HIRA: variants seen among roughly 807,000 people sequenced by gnomAD.
HIRA encodes the protein protein HIRA.
HIRA carries 13 observed loss-of-function variants against 126.6 expected under a neutral mutation model. That is an observed-to-expected ratio of 0.10 (90% CI 0.07 to 0.16). The LOEUF (loss-of-function observed/expected upper bound fraction) is 0.16, where lower values mean the gene tolerates loss of function less well. Among genes scored for constraint, HIRA ranks in the 10% least tolerant of loss-of-function variants. The pLI, the probability that HIRA is intolerant of heterozygous loss-of-function variation, is 1.00. For synonymous variants in HIRA, 511 were observed against 520.0 expected, an observed-to-expected ratio of 0.98 and a Z score of 0.24; for missense variants, 834 against 1,314.4, an observed-to-expected ratio of 0.63 and a Z score of 5.65.
chr22:19,391,392 G>A (rs1160662110), intron 9 of HIRA, among the ~76,000 whole-genome samples: 1 of 152,134 alleles, frequency 6.6e-6, no homozygotes, highest in Non-Finnish European at 1.5e-5. Context: ...AGTGCTCTAG[G>A]CAGTGATGAC....
chr22:19,333,998 G>A (rs1484656773), intron 24 of HIRA, among the ~76,000 whole-genome samples: 6 of 149,872 alleles, frequency 4.0e-5, no homozygotes, highest in African/African-American at 1.5e-4. Context: ...TTCTTGAGAT[G>A]GAGCCTCGAT....
rs1355595864 is a variant in HIRA at position 19,351,047 on chromosome 22, G to A, written c.2937+311C>T. On this transcript the variant is annotated intron_variant, in intron 24 of 24. Transcript: ENST00000263208. The surrounding 1 kb of genome is among the most constrained non-coding windows in gnomAD (Gnocchi z 4.8). ...TTTATGTGTGCATCCCTACCAGACC[G>A]AGCTCCACGAAGGCAGGGAAGTACC... The A allele has an allele frequency of 1.1e-5, 9 of 799,542 alleles. No homozygotes were observed. Among genetic ancestry groups the A allele is most frequent in the Non-Finnish European group, 1.4e-5 (9 of 660,658 alleles). 49.5% of individuals were successfully genotyped at this position (799,542 alleles called of 1,614,324 possible).
Position 19,398,034 on chromosome 22 carries a change from C to T in HIRA, c.451G>A (p.Val151Met), listed in dbSNP as rs930899271. ...TTCCAGATGACGACAGTGTTATCCA[C>T]GCTGCATGAGGCTAGCCAGGCATCG... The part of the protein sequence containing the change: ...PHDAWLASCS[V>M]DNTVVIWNAV... Residue 151 changes from valine (V) to methionine (M), a missense_variant, in exon 6 of 25, where the codon GTG becomes ATG. Val to Met is a conservative substitution (Grantham distance 21). Around this residue, in one of 5 missense-constraint regions of HIRA, gnomAD observed 53 missense variants for 163.7 expected, o/e 0.32. Transcript: ENST00000263208. The T allele has an allele frequency of 1.2e-6, 2 of 1,614,076 alleles. No homozygotes were observed. The highest frequency in any genetic ancestry group is 2.2e-5 in the East Asian group (1 of 44,870).
intron 19 of HIRA, 124 bp from the exon 20 acceptor site, chr22:19,356,412 G>C (rs1028959585): frequency 6.4e-5 from 49 of 763,838 alleles, no homozygotes; most frequent in Admixed American, 2.0e-4. Flanking sequence ...CCTAGTGAGA[G>C]GGGCTCTGGG....
intron 13 of HIRA, among the ~76,000 whole-genome samples, chr22:19,379,628 T>TAA (rs753015452): frequency 7.6e-6 from 1 of 130,976 alleles, no homozygotes; most frequent in African/African-American, 2.8e-5. Context: ...TCGCCTCAAT[T>TAA]AAAAAAAAAA....
intron 4 of HIRA, among the ~76,000 whole-genome samples, chr22:19,406,548 T>C (rs2089309502): frequency 6.6e-6 from 1 of 152,098 alleles, no homozygotes; most frequent in Non-Finnish European, 1.5e-5. Context: ...CTTTTGCTCT[T>C]GTAGAGCTCA....
At chr22:19,373,560 C>G (rs920086184) in intron 15 of HIRA, among the ~76,000 whole-genome samples, 1 of 152,126 alleles carries the variant, frequency 6.6e-6, no homozygotes, top group Non-Finnish European at 1.5e-5. Flanking sequence ...TCAATTAGAC[C>G]AGGATTTCGT....
chr22:19,408,675 GAA>G, intron 2 of HIRA, 82 bp from the exon 3 acceptor site: 1 of 767,720 alleles, frequency 1.3e-6, no homozygotes, highest in Non-Finnish European at 2.3e-6. Flanking sequence ...TAAATTAGGA[GAA>G]GTCCTCACTT....
intron 15 of HIRA, among the ~76,000 whole-genome samples, chr22:19,366,413 T>C (rs937896853): frequency 1.3e-5 from 2 of 152,228 alleles, no homozygotes; most frequent in African/African-American, 4.8e-5. Context: ...CTGGCAGATC[T>C]GGGCAAAGTA....
In HIRA at chr22:19,385,512, G is replaced by T; in HGVS notation, c.1329+9C>A. On this transcript the variant is annotated intron_variant, in intron 12 of 24. Transcript: ENST00000263208. ...CCATGTCTTTAGCGCCACCAGGCAG[G>T]GCTCTCACCTTCCTGATATCTTCAA... The T allele has an allele frequency of 6.2e-7, 1 of 1,612,304 alleles. No homozygotes were observed. The highest frequency in any genetic ancestry group is 8.5e-7 in the Non-Finnish European group (1 of 1,178,704).
chr22:19,340,198 G>T (rs558205747), intron 24 of HIRA, among the ~76,000 whole-genome samples: 1 of 152,164 alleles, frequency 6.6e-6, no homozygotes, highest in South Asian at 2.1e-4. Context: ...TCATACCAGG[G>T]ATACAGGGAA....
rs749892142 is a variant in HIRA at position 19,407,319 on chromosome 22, C to T, written c.212-45G>A. 15 of 1,468,190 alleles carry T rather than the reference C, an allele frequency of 1.0e-5. No homozygotes were observed. The South Asian group carries it at 1.5e-4, about 14-fold the overall frequency. 90.9% of individuals were successfully genotyped at this position (1,468,190 alleles called of 1,614,324 possible). On this transcript the variant is annotated intron_variant, in intron 3 of 24. Coordinates refer to ENST00000263208, the MANE Select transcript of HIRA (RefSeq NM_003325.4). ...AGGTGATGAAAATCCAGTAGTCATG[C>T]CCATTTGCTTTATGTAGAGTTTGGC...
intron 8 of HIRA, among the ~76,000 whole-genome samples, chr22:19,393,828 C>T (rs1018927779): frequency 6.6e-6 from 1 of 152,140 alleles, no homozygotes; most frequent in African/African-American, 2.4e-5. Context: ...TAACAGCTTG[C>T]CTTGGGCTCT....
chr22:19,334,781 T>A (rs781786587), intron 24 of HIRA, among the ~76,000 whole-genome samples: 5 of 152,272 alleles, frequency 3.3e-5, no homozygotes, highest in South Asian at 2.1e-4. Flanking sequence ...ATAAGCAGCA[T>A]ACAGCTGGTT....
intron 1 of HIRA, among the ~76,000 whole-genome samples, chr22:19,415,573 G>A (rs2089389322): frequency 6.6e-6 from 1 of 152,204 alleles, no homozygotes; most frequent in Non-Finnish European, 1.5e-5. Flanking sequence ...TGGATCACAT[G>A]AGGTTGGGAG....
At position 19,351,479 on chromosome 22, in the gene HIRA, C is replaced by T; in HGVS notation, c.2849-33G>A. The T allele has an allele frequency of 4.8e-6, 7 of 1,451,772 alleles. No individual in the cohort carries two copies. Among genetic ancestry groups the T allele is most frequent in the Non-Finnish European group, 5.8e-6 (6 of 1,040,578 alleles). 89.9% of individuals were successfully genotyped at this position (1,451,772 alleles called of 1,614,324 possible). On this transcript the variant is annotated intron_variant, in intron 23 of 24. Coordinates refer to ENST00000263208, the MANE Select transcript of HIRA (RefSeq NM_003325.4). This position sits in a 1 kb window ranked among gnomAD's most constrained non-coding sequence, Gnocchi z 4.8. Reference sequence around the variant, plus strand: ...CAGAAAAACAAACAAACAACAACAACAAAAAACAAAACAGAAATAGGAACA... The same window carrying T: ...CAGAAAAACAAACAAACAACAACAATAAAAAACAAAACAGAAATAGGAACA...
At chr22:19,371,901 G>A (rs1021063481) in intron 15 of HIRA, among the ~76,000 whole-genome samples, 4 of 152,040 alleles carry the variant, frequency 2.6e-5, no homozygotes, top group African/African-American at 9.7e-5. Context: ...TCCACTTTTT[G>A]GTTATTATGT....
At position 19,383,626 on chromosome 22, in the gene HIRA, T is replaced by G. The variant is rs1220148582; in HGVS notation, c.1409A>C (p.Asp470Ala). Residue 470 changes from aspartate to alanine, a missense_variant, in exon 13 of 25, where the codon GAC becomes GCC. Physicochemically the swap from Asp to Ala is moderately radical, Grantham distance 126 (BLOSUM62 -2). Transcript: ENST00000263208. ...RITPLCIAQL[D>A]TGDFSTAFFN... The stretch of plus-strand genomic sequence containing the variant: ...AAGGGGAATGAACCAGTACCCAGTG[T>G]CCAGCTGTGCTATGCAGAGAGGCGT... 2 of 1,612,718 alleles carry G rather than the reference T, an allele frequency of 1.2e-6. No homozygotes were observed. The highest frequency in any genetic ancestry group is 1.7e-6 in the Non-Finnish European group (2 of 1,178,802).
intron 24 of HIRA, among the ~76,000 whole-genome samples, chr22:19,334,820 C>T (rs2088545630): frequency 6.6e-6 from 1 of 152,026 alleles, no homozygotes; most frequent in Admixed American, 6.5e-5. Context: ...ATAATCTATG[C>T]CTTTTAGACC....
Sources: gnomAD v4.1 joint callset for allele counts (sites outside exome capture counted in the v4.1 genomes callset) on GRCh38, gnomAD v4.1.1 for gene constraint, gnomAD v4.1.1 regional missense constraint, Gnocchi (gnomAD v3.1) non-coding constraint, MANE v1.5 for transcripts, NCBI Gene and HGNC (gene_info 2026-07-23, HGNC 2026-07-21) for gene names.